STARD13: variants seen among roughly 807,000 people sequenced by gnomAD.
STARD13 encodes the protein StAR related lipid transfer domain containing 13, also known as stAR-related lipid transfer protein 13.
In STARD13, 62 loss-of-function variants were observed where a neutral mutation model predicts 106.4. That is an observed-to-expected ratio of 0.58 (90% CI 0.48 to 0.72). The LOEUF is 0.72. Among genes scored for constraint, STARD13 ranks in the 30% least tolerant of loss-of-function variants. STARD13 has a pLI of 0.00. For synonymous variants in STARD13, 565 were observed against 553.0 expected, an observed-to-expected ratio of 1.02 and a Z score of -0.31; for missense variants, 1,387 against 1,424.0, an observed-to-expected ratio of 0.97 and a Z score of 0.42.
At chr13:33,517,081 T>A in the STARD13 span, among the ~76,000 whole-genome samples, 1,343 of 152,234 alleles carry the variant, frequency 8.8e-3, 20 homozygotes, top group African/African-American at 0.03. Flanking sequence ...TTATACCTGT[T>A]CCTTTTACTT....
the STARD13 span, among the ~76,000 whole-genome samples, chr13:33,548,392 A>AGTG: frequency 2.6e-5 from 4 of 152,210 alleles, no homozygotes; most frequent in Non-Finnish European, 4.4e-5. Flanking sequence ...AGTTCTTAAA[A>AGTG]GTGGAATAGT....
the STARD13 span, among the ~76,000 whole-genome samples, chr13:33,466,892 A>C: frequency 6.6e-6 from 1 of 152,174 alleles, no homozygotes; most frequent in Non-Finnish European, 1.5e-5. Context: ...AAAGAAATTT[A>C]AGACAATCCC....
At chr13:33,433,389 C>G in the STARD13 span, among the ~76,000 whole-genome samples, 25 of 152,126 alleles carry the variant, frequency 1.6e-4, no homozygotes, top group African/African-American at 5.8e-4. Flanking sequence ...CAAAGACTCT[C>G]TAGAAGCAAC....
chr13:33,570,115 A>G, the STARD13 span, among the ~76,000 whole-genome samples: 1 of 148,004 alleles, frequency 6.8e-6, no homozygotes, highest in Non-Finnish European at 1.5e-5. Flanking sequence ...GTGTGTGGCT[A>G]TATTCTAAGT....
Position 33,177,813 on chromosome 13 carries a change from G to GA in STARD13, c.170-10192dup, listed in dbSNP as rs1180641057. Among the ~76,000 whole-genome samples, 3 of 24,212 alleles carry GA rather than the reference G, an allele frequency of 1.2e-4. 1 individual carries two copies. The highest frequency in any genetic ancestry group is 2.3e-4 in the African/African-American group (1 of 4,270). The allele number at this position is 24,212 out of a possible 152,430, so 15.9% of individuals were successfully genotyped here. ...GAAGGAAGGAAGGAAAGGAAGGAAG[G>GA]AAGGAAGGAAGGAAGGAAGGAAGGA... On this transcript the variant is annotated intron_variant, in intron 1 of 13. Transcript: ENST00000336934.
At chr13:33,200,386 C>T (rs1443841599) in intron 1 of STARD13, among the ~76,000 whole-genome samples, 1 of 152,190 alleles carries the variant, frequency 6.6e-6, no homozygotes, top group African/African-American at 2.4e-5. Context: ...AGCTACCGTG[C>T]CAGCCCCTTG....
intron 1 of STARD13, among the ~76,000 whole-genome samples, chr13:33,252,769 G>A (rs1890153615): frequency 6.6e-6 from 1 of 152,210 alleles, no homozygotes; most frequent in Non-Finnish European, 1.5e-5. Context: ...GTATCTGAAA[G>A]TACTTTTCCA....
chr13:33,406,114 G>A, the STARD13 span, among the ~76,000 whole-genome samples: 1 of 152,252 alleles, frequency 6.6e-6, no homozygotes, highest in Admixed American at 6.5e-5. Flanking sequence ...GCAAGAGGAC[G>A]AACCCAAATC....
chr13:33,368,789 G>C, the STARD13 span, among the ~76,000 whole-genome samples: 7 of 152,040 alleles, frequency 4.6e-5, no homozygotes, highest in African/African-American at 1.7e-4. Context: ...AGCAGCACTC[G>C]GAGGAGCCGG....
intron 12 of STARD13, among the ~76,000 whole-genome samples, chr13:33,109,671 C>A (rs896375591): frequency 3.9e-5 from 6 of 152,198 alleles, no homozygotes; most frequent in Non-Finnish European, 7.3e-5. Flanking sequence ...AGAGCCCAGG[C>A]AGAGCTGTAG....
At chr13:33,615,038 G>A in the STARD13 span, among the ~76,000 whole-genome samples, 1 of 152,180 alleles carries the variant, frequency 6.6e-6, no homozygotes, top group African/African-American at 2.4e-5. Flanking sequence ...AGGCCAGTTA[G>A]GAGAGGGAGG....
chr13:33,281,817 C>A (rs1034036861), intron 1 of STARD13, among the ~76,000 whole-genome samples: 3 of 151,782 alleles, frequency 2.0e-5, no homozygotes, highest in Non-Finnish European at 4.4e-5. Context: ...TGCCAAAGGC[C>A]GAGAGGAGGA....
At chr13:33,340,602 A>T (rs2077949052) in intron 1 of STARD13, among the ~76,000 whole-genome samples, 1 of 152,224 alleles carries the variant, frequency 6.6e-6, no homozygotes. Context: ...AGGAGAAAGG[A>T]GCATTCAACA....
the STARD13 span, among the ~76,000 whole-genome samples, chr13:33,494,066 C>T: frequency 1.3e-5 from 2 of 152,204 alleles, no homozygotes; most frequent in African/African-American, 4.8e-5. Flanking sequence ...TGCTCACTTC[C>T]AAGTTTCCTT....
At chr13:33,317,639 C>T (rs1298370374) in intron 1 of STARD13, among the ~76,000 whole-genome samples, 1 of 152,090 alleles carries the variant, frequency 6.6e-6, no homozygotes, top group East Asian at 1.9e-4. Flanking sequence ...TCTATAAGAA[C>T]CCTACACTCA....
chr13:33,578,810 CAAAT>C, the STARD13 span, among the ~76,000 whole-genome samples: 3 of 151,908 alleles, frequency 2.0e-5, no homozygotes, highest in Non-Finnish European at 2.9e-5. Context: ...CAAGAAAAAA[CAAAT>C]AGTCTCATCA....
chr13:33,235,006 T>G (rs1345724564), intron 1 of STARD13, among the ~76,000 whole-genome samples: 1 of 152,214 alleles, frequency 6.6e-6, no homozygotes, highest in South Asian at 2.1e-4. Flanking sequence ...TGTAAAAATG[T>G]TCAGAAAACT....
At chr13:33,208,425 G>A (rs1485711109) in intron 1 of STARD13, among the ~76,000 whole-genome samples, 2 of 152,200 alleles carry the variant, frequency 1.3e-5, no homozygotes, top group Non-Finnish European at 2.9e-5. Flanking sequence ...ACCTTCTGGT[G>A]CTGCTGAAGC....
At chr13:33,594,937 C>A in the STARD13 span, among the ~76,000 whole-genome samples, 1 of 152,144 alleles carries the variant, frequency 6.6e-6, no homozygotes, top group Non-Finnish European at 1.5e-5. Context: ...TTGCTTCTAC[C>A]ATTTGGCTAT....
Sources: gnomAD v4.1 joint callset for allele counts (sites outside exome capture counted in the v4.1 genomes callset) on GRCh38, gnomAD v4.1.1 for gene constraint, MANE v1.5 for transcripts, NCBI Gene and HGNC (gene_info 2026-07-23, HGNC 2026-07-21) for gene names.